CCDC171: variants seen among roughly 807,000 people sequenced by gnomAD.
CCDC171 encodes the protein coiled-coil domain-containing protein 171.
A neutral mutation model predicts 168.2 loss-of-function variants in CCDC171; 177 were observed. The observed-to-expected ratio is 1.05, with a 90% CI of 0.93 to 1.19. The LOEUF (loss-of-function observed/expected upper bound fraction) is 1.19, where lower values mean the gene tolerates loss of function less well. CCDC171 is among the 50% of genes most tolerant of loss of function. CCDC171 has a pLI of 0.00. For missense variants in CCDC171, 1,991 were observed against 1,539.0 expected (o/e 1.29, Z -4.91); for synonymous variants, 687 against 540.8 (o/e 1.27, Z -3.75).
In CCDC171 at chr9:15,744,670, T is replaced by C. The variant is rs563669178; in HGVS notation, c.2447T>C (p.Ile816Thr). The change falls in exon 17 of 26, where the codon ATT (isoleucine) becomes ACT (threonine). Residue 816 changes from isoleucine to threonine, a missense_variant. Ile to Thr is a moderately conservative substitution (Grantham distance 89, BLOSUM62 -1). Coordinates refer to ENST00000380701, the MANE Select transcript of CCDC171 (RefSeq NM_173550.4). Reference protein sequence around the residue: ...IAVLAANRLKILGQSCASLFT... With the variant: ...IAVLAANRLKTLGQSCASLFT... ...GTTTTGGCAGCAAACAGACTCAAGA[T>C]TTTGGGCCAATCATGTGCCTCTCTT... The C allele has an allele frequency of 1.6e-5, 26 of 1,614,158 alleles. No homozygotes were observed. In the East Asian group the frequency reaches 5.1e-4, roughly 32 times the overall value.
the CCDC171 span, among the ~76,000 whole-genome samples, chr9:16,105,428 A>G: frequency 0.039 from 5,724 of 147,220 alleles, 152 homozygotes; most frequent in African/African-American, 0.069. Flanking sequence ...AACTTTGGAG[A>G]CCAGGCAGTT....
chr9:16,049,585 G>C (rs1255201431), intron 1 of CCDC171, among the ~76,000 whole-genome samples: 3 of 152,224 alleles, frequency 2.0e-5, no homozygotes, highest in African/African-American at 7.2e-5. Context: ...TTGGGCTCCA[G>C]GACTTACACC....
At chr9:15,568,744 T>C (rs548316292) in intron 2 of CCDC171, among the ~76,000 whole-genome samples, 1 of 149,834 alleles carries the variant, frequency 6.7e-6, no homozygotes, top group East Asian at 2.0e-4. Context: ...TGCCCACTTT[T>C]TAATGTTTTT....
intron 1 of CCDC171, among the ~76,000 whole-genome samples, chr9:16,056,206 T>A (rs879048377): frequency 6.6e-6 from 1 of 152,216 alleles, no homozygotes; most frequent in Non-Finnish European, 1.5e-5. Flanking sequence ...TTCCCTGATT[T>A]TATATATTTT....
chr9:15,649,699 A>G (rs1309554417), intron 7 of CCDC171, among the ~76,000 whole-genome samples: 1 of 152,192 alleles, frequency 6.6e-6, no homozygotes, highest in Non-Finnish European at 1.5e-5. Context: ...CCACAATGAG[A>G]TACCATCTCA....
At chr9:15,912,734 G>GT (rs1319880669) in intron 24 of CCDC171, among the ~76,000 whole-genome samples, 3 of 152,128 alleles carry the variant, frequency 2.0e-5, no homozygotes, top group Admixed American at 2.0e-4. Context: ...TTTATTGAGT[G>GT]TTTTTAGCAT....
In CCDC171 at chr9:15,743,161, T is replaced by C. The variant is rs2055010087; in HGVS notation, c.2050-1112T>C. Among the ~76,000 whole-genome samples the C allele has an allele frequency of 4.3e-4, 5 of 11,752 alleles. 1 individual carries two copies. The highest frequency in any genetic ancestry group is 1.2e-3 in the Admixed American group (1 of 866). The allele number at this position is 11,752 out of a possible 152,430, so 7.7% of individuals were successfully genotyped here. A position where few individuals can be genotyped will look rare whatever the true frequency, so the allele number is the denominator to read the frequency against. ...TTCTTTTTTTTTTTTTTTTTTTTTT[T>C]TTTTTTTTTTTTTTTTTTTTTTGAG... On this transcript the variant is annotated intron_variant, in intron 16 of 25. Transcript: ENST00000380701.
intron 23 of CCDC171, among the ~76,000 whole-genome samples, chr9:15,849,285 C>T (rs1049516572): frequency 6.6e-5 from 10 of 151,180 alleles, no homozygotes; most frequent in Non-Finnish European, 1.2e-4. Flanking sequence ...AGTGTCTAAC[C>T]TCTTACCACT....
intron 11 of CCDC171, among the ~76,000 whole-genome samples, chr9:15,720,744 G>C (rs933312674): frequency 2.6e-5 from 4 of 152,090 alleles, no homozygotes; most frequent in African/African-American, 9.7e-5. Context: ...CAATGTGCAG[G>C]TTTGTTCCGT....
chr9:15,880,989 A>G (rs561561381), intron 24 of CCDC171, among the ~76,000 whole-genome samples: 6 of 152,316 alleles, frequency 3.9e-5, no homozygotes, highest in African/African-American at 1.4e-4. Flanking sequence ...CCTTTGTCTC[A>G]TCTAGCTACT....
chr9:15,840,729 G>A (rs2060643415), intron 21 of CCDC171, among the ~76,000 whole-genome samples: 1 of 151,964 alleles, frequency 6.6e-6, no homozygotes, highest in East Asian at 1.9e-4. Flanking sequence ...ACTTTTCTGA[G>A]TATATTTTCC....
At chr9:15,866,914 T>G (rs1462239304) in intron 23 of CCDC171, among the ~76,000 whole-genome samples, 2 of 152,064 alleles carry the variant, frequency 1.3e-5, no homozygotes, top group African/African-American at 2.4e-5. Context: ...AGTCAAATTT[T>G]ACCAGCATAT....
At chr9:15,766,731 C>G (rs900524569) in intron 18 of CCDC171, among the ~76,000 whole-genome samples, 4 of 150,366 alleles carry the variant, frequency 2.7e-5, no homozygotes, top group African/African-American at 9.8e-5. Flanking sequence ...TCATAGCTCA[C>G]TGCAGCTTCA....
At chr9:15,788,747 T>G (rs1271689128) in intron 21 of CCDC171, among the ~76,000 whole-genome samples, 1 of 152,104 alleles carries the variant, frequency 6.6e-6, no homozygotes, top group Non-Finnish European at 1.5e-5. Flanking sequence ...AGATGGAAAC[T>G]GCCTATGTTG....
chr9:15,973,875 G>A lies in CCDC171; in HGVS notation c.*2039G>A, dbSNP rs1465655515. The A allele has an allele frequency of 1.3e-5, 2 of 152,066 alleles. No homozygotes were observed. Among genetic ancestry groups the A allele is most frequent in the Admixed American group, 6.6e-5 (1 of 15,256 alleles). The allele number at this position is 152,066 out of a possible 1,614,324, so 9.4% of individuals were successfully genotyped here. ...ATGTAACCTCTATGTCTAAGTGTTT[G>A]TGTGTGTGTATGCTTGTGTTGAATC... On this transcript the variant is annotated 3_prime_UTR_variant, in exon 26 of 26. Coordinates refer to ENST00000380701, the MANE Select transcript of CCDC171 (RefSeq NM_173550.4).
At chr9:15,616,951 A>G (rs1196649237) in intron 6 of CCDC171, among the ~76,000 whole-genome samples, 1 of 152,194 alleles carries the variant, frequency 6.6e-6, no homozygotes, top group Non-Finnish European at 1.5e-5. Flanking sequence ...TACAGGAAGC[A>G]TGGTGCTAAC....
At chr9:15,981,153 G>C (rs1831783720) in intron 3 of CCDC171, among the ~76,000 whole-genome samples, 1 of 152,052 alleles carries the variant, frequency 6.6e-6, no homozygotes, top group South Asian at 2.1e-4. Context: ...GATATGGCTG[G>C]GGACACAGCT....
intron 24 of CCDC171, among the ~76,000 whole-genome samples, chr9:15,918,910 C>A (rs1824926881): frequency 1.3e-5 from 2 of 151,548 alleles, no homozygotes; most frequent in Admixed American, 1.3e-4. Flanking sequence ...AATTTTTCAT[C>A]CATTCATTCT....
Position 15,826,381 on chromosome 9 carries a change from C to T in CCDC171, c.3268-20321C>T, listed in dbSNP as rs117179848. 3.4e-4 allele frequency among the ~76,000 whole-genome samples: 52 copies of T among 151,998 alleles called. No individual in the cohort carries two copies. In the East Asian group the frequency reaches 9.5e-3, roughly 28 times the overall value. ...TTATATTTTCCAAAAATGGCCACAG[C>T]AATATTTCTGATCCCACAAGTGCTT... On this transcript the variant is annotated intron_variant, in intron 21 of 25. Transcript: ENST00000380701.
Sources: gnomAD v4.1 joint callset for allele counts (sites outside exome capture counted in the v4.1 genomes callset) on GRCh38, gnomAD v4.1.1 for gene constraint, MANE v1.5 for transcripts, NCBI Gene and HGNC (gene_info 2026-07-23, HGNC 2026-07-21) for gene names.